KCNJ12: variants seen among roughly 807,000 people sequenced by gnomAD.
The protein encoded by KCNJ12 is potassium inwardly rectifying channel subfamily J member 12, also known as ATP-sensitive inward rectifier potassium channel 12.
KCNJ12 carries 2 observed loss-of-function variants against 22.3 expected under a neutral mutation model. The ratio of observed to expected loss-of-function variants is 0.09; its 90% CI spans 0.04 to 0.28. KCNJ12 has a LOEUF of 0.28. Among genes scored for constraint, KCNJ12 ranks in the 10% least tolerant of loss-of-function variants. KCNJ12 has a pLI of 1.00. For synonymous variants in KCNJ12, 117 were observed against 261.4 expected (o/e 0.45, Z 5.33); for missense variants, 155 against 633.3 (o/e 0.24, Z 8.11).
chr17:21,397,420 C>T (rs782721361), intron 1 of KCNJ12, among the ~76,000 whole-genome samples: 11 of 152,182 alleles, frequency 7.2e-5, no homozygotes, highest in South Asian at 2.1e-4. Context: ...AGCGGATCAC[C>T]GGCGGTTTCA....
At chr17:21,413,425 TGG>T (rs1906489046) in intron 2 of KCNJ12, among the ~76,000 whole-genome samples, 1 of 145,714 alleles carries the variant, frequency 6.9e-6, no homozygotes, top group African/African-American at 2.5e-5. Context: ...CTGAGTAATG[TGG>T]CTGCAGGTGT....
At chr17:21,392,061 G>A (rs1304359234) in intron 1 of KCNJ12, among the ~76,000 whole-genome samples, 8 of 152,232 alleles carry the variant, frequency 5.3e-5, no homozygotes, top group African/African-American at 1.9e-4. Flanking sequence ...GAGTGTGGTG[G>A]TGGGGACTTT....
chr17:21,409,797 G>A (rs1906216575), intron 2 of KCNJ12, among the ~76,000 whole-genome samples: 1 of 152,268 alleles, frequency 6.6e-6, no homozygotes, highest in African/African-American at 2.4e-5. Context: ...ACCACCCCAT[G>A]CCCTGCACAC....
chr17:21,383,319 G>C (rs1005484133), intron 1 of KCNJ12, among the ~76,000 whole-genome samples: 1 of 152,100 alleles, frequency 6.6e-6, no homozygotes, highest in Non-Finnish European at 1.5e-5. Context: ...GGCAGCAGCC[G>C]AGCCAACCCC....
chr17:21,412,313 C>T (rs1179135669), intron 2 of KCNJ12, among the ~76,000 whole-genome samples: 1 of 152,206 alleles, frequency 6.6e-6, no homozygotes, highest in African/African-American at 2.4e-5. Flanking sequence ...GGCAGAGATG[C>T]CAGGAGCTGT....
chr17:21,378,094 C>T (rs1904730686), intron 1 of KCNJ12, among the ~76,000 whole-genome samples: 1 of 152,250 alleles, frequency 6.6e-6, no homozygotes, highest in Non-Finnish European at 1.5e-5. Context: ...TTGGAAGGTG[C>T]GAACCCGGAA....
chr17:21,387,064 G>A (rs1318446845), intron 1 of KCNJ12, among the ~76,000 whole-genome samples: 1 of 152,166 alleles, frequency 6.6e-6, no homozygotes, highest in African/African-American at 2.4e-5. Flanking sequence ...GCTGAGGCAG[G>A]AGAATGGCGT....
At chr17:21,387,749 G>T (rs536575610) in intron 1 of KCNJ12, among the ~76,000 whole-genome samples, 1 of 152,154 alleles carries the variant, frequency 6.6e-6, no homozygotes, top group South Asian at 2.1e-4. Context: ...TCACTGAAGC[G>T]CTCACTTTTA....
intron 1 of KCNJ12, among the ~76,000 whole-genome samples, chr17:21,381,154 C>A (rs1904853100): frequency 6.6e-6 from 1 of 152,176 alleles, no homozygotes; most frequent in Non-Finnish European, 1.5e-5. Flanking sequence ...GGCACAGCCT[C>A]CTGGATCCTG....
chr17:21,407,755 T>TCATCCATC (rs1240756282), intron 1 of KCNJ12, among the ~76,000 whole-genome samples: 588 of 148,862 alleles, frequency 3.9e-3, no homozygotes, highest in Non-Finnish European at 5.0e-3. Context: ...ATCCATCCAT[T>TCATCCATC]CATCCATCCA....
At chr17:21,383,118 A>G (rs1904936728) in intron 1 of KCNJ12, among the ~76,000 whole-genome samples, 1 of 152,134 alleles carries the variant, frequency 6.6e-6, no homozygotes, top group Non-Finnish European at 1.5e-5. Context: ...TGTGTATGAT[A>G]GAGAGGATGA....
At chr17:21,406,884 T>A (rs1445853210) in intron 1 of KCNJ12, among the ~76,000 whole-genome samples, 1 of 152,294 alleles carries the variant, frequency 6.6e-6, no homozygotes, top group Non-Finnish European at 1.5e-5. Flanking sequence ...TGGCTCACCG[T>A]GGAGATCCTC....
intron 1 of KCNJ12, among the ~76,000 whole-genome samples, chr17:21,380,709 C>G (rs922906038): frequency 6.6e-6 from 1 of 152,180 alleles, no homozygotes; most frequent in Non-Finnish European, 1.5e-5. Flanking sequence ...CTGGGGAACT[C>G]GTCATTTCCC....
At chr17:21,388,850 G>T (rs564697374) in intron 1 of KCNJ12, among the ~76,000 whole-genome samples, 1 of 152,268 alleles carries the variant, frequency 6.6e-6, no homozygotes, top group South Asian at 2.1e-4. Context: ...GTTCTCTAAA[G>T]AAGGCCCCGC....
intron 1 of KCNJ12, among the ~76,000 whole-genome samples, chr17:21,395,293 G>GAAA (rs1161884090): frequency 3.4e-4 from 19 of 55,646 alleles, no homozygotes; most frequent in Non-Finnish European, 8.0e-4. Flanking sequence ...AGATCCTAAA[G>GAAA]AAAAAAAAAA....
At position 21,407,993 on chromosome 17, in the gene KCNJ12, TCATCCATC is replaced by T. The variant is rs60311230; in HGVS notation, c.-178-503_-178-496del. Among the ~76,000 whole-genome samples, 24 of 134,566 alleles carry T rather than the reference TCATCCATC, an allele frequency of 1.8e-4. No individual in the cohort carries two copies. In the East Asian group the frequency reaches 4.9e-3, roughly 28 times the overall value. 88.3% of individuals were successfully genotyped at this position (134,566 alleles called of 152,430 possible). A position where few individuals can be genotyped will look rare whatever the true frequency, so the allele number is the denominator to read the frequency against. On this transcript the variant is annotated intron_variant, in intron 1 of 2. Transcript: ENST00000583088. ...ATTCATTTATCCACCCACCCATCCATCATCCATCCATCCATCCATCCATCCATCCACCC... is the reference window on the plus strand; with the variant it reads ...ATTCATTTATCCACCCACCCATCCATCATCCATCCATCCATCCATCCACCC...
At chr17:21,379,499 C>T (rs1359758747) in intron 1 of KCNJ12, among the ~76,000 whole-genome samples, 7 of 152,108 alleles carry the variant, frequency 4.6e-5, no homozygotes, top group African/African-American at 1.2e-4. Flanking sequence ...TTACTGTGAG[C>T]GACACATGGG....
At position 21,385,186 on chromosome 17, in the gene KCNJ12, C is replaced by T. The variant is rs1294035148; in HGVS notation, c.-179+8273C>T. On this transcript the variant is annotated intron_variant, in intron 1 of 2. Coordinates refer to ENST00000583088, the MANE Select transcript of KCNJ12 (RefSeq NM_021012.5). ...GCATCAGGGTGGTCCCACCTTACTC[C>T]ACCAGGGCCCCTTATTAGAAAGGAT... Among the ~76,000 whole-genome samples, 4 of 152,190 alleles carry T rather than the reference C, an allele frequency of 2.6e-5. No homozygotes were observed. In the East Asian group the frequency reaches 7.7e-4, roughly 29 times the overall value.
At chr17:21,413,991 G>A (rs1597583013) in intron 2 of KCNJ12, among the ~76,000 whole-genome samples, 5 of 152,418 alleles carry the variant, frequency 3.3e-5, no homozygotes, top group African/African-American at 7.2e-5. Context: ...CAGCCAGGGA[G>A]CAGCCCATGT....
Sources: gnomAD v4.1 joint callset for allele counts (sites outside exome capture counted in the v4.1 genomes callset) on GRCh38, gnomAD v4.1.1 for gene constraint, MANE v1.5 for transcripts, NCBI Gene and HGNC (gene_info 2026-07-23, HGNC 2026-07-21) for gene names.